ZNF366: variants seen among roughly 807,000 people sequenced by gnomAD.
ZNF366 encodes zinc finger protein 366.
A neutral mutation model predicts 47.2 loss-of-function variants in ZNF366; 20 were observed. The observed-to-expected ratio is 0.42, with a 90% CI of 0.30 to 0.62. The LOEUF is 0.62. Ranked by LOEUF, ZNF366 falls within the 20% of genes least tolerant of loss-of-function variation. The pLI is 0.16. For missense variants in ZNF366, 987 were observed against 976.3 expected, an observed-to-expected ratio of 1.01 and a Z score of -0.15; for synonymous variants, 421 against 395.1, an observed-to-expected ratio of 1.07 and a Z score of -0.78.
chr5:72,466,670 T>G lies in ZNF366; in HGVS notation c.-14-5160A>C, dbSNP rs553714358. On this transcript the variant is annotated intron_variant, in intron 1 of 4. Coordinates refer to ENST00000318442, the MANE Select transcript of ZNF366 (RefSeq NM_152625.3). ...TGAGAGAAGAAATGGGTGGTTCTTGTTTTTAAAGTCTCCCATGAAGTTTTA... is the reference window on the plus strand; with the variant it reads ...TGAGAGAAGAAATGGGTGGTTCTTGGTTTTAAAGTCTCCCATGAAGTTTTA... Among the ~76,000 whole-genome samples, 47 of 152,368 alleles carry G rather than the reference T, an allele frequency of 3.1e-4. No individual in the cohort carries two copies. In the South Asian group the frequency reaches 9.1e-3, roughly 30 times the overall value.
At position 72,451,862 on chromosome 5, in the gene ZNF366, C is replaced by T. The variant is rs79891468; in HGVS notation, c.1525-4445G>A. ...CTTAGTCTGCCCTTTGAACAGCTGA[C>T]GGATGCCTGTGTGCTCCGGGCCTCC... On this transcript the variant is annotated intron_variant, in intron 3 of 4. Transcript: ENST00000318442. 2.0e-3 allele frequency among the ~76,000 whole-genome samples: 299 copies of T among 152,346 alleles called. 6 individuals are homozygous for T. The East Asian group carries it at 0.048, about 24-fold the overall frequency.
chr5:72,453,174 T>C (rs60102496), intron 3 of ZNF366, among the ~76,000 whole-genome samples: 1,830 of 152,282 alleles, frequency 0.012, 44 homozygotes, highest in African/African-American at 0.042. Context: ...GATCAGTTCA[T>C]ATTGAGACAG....
intron 1 of ZNF366, among the ~76,000 whole-genome samples, chr5:72,504,744 T>C (rs530521973): frequency 3.3e-4 from 50 of 152,352 alleles, no homozygotes; most frequent in African/African-American, 1.2e-3. Context: ...TCTTCAGTGT[T>C]AATATATGAC....
At chr5:72,497,619 G>A (rs566900302) in intron 1 of ZNF366, among the ~76,000 whole-genome samples, 1 of 152,232 alleles carries the variant, frequency 6.6e-6, no homozygotes, top group East Asian at 1.9e-4. Flanking sequence ...TTGTAGGTAT[G>A]TCTTTTTACA....
intron 1 of ZNF366, among the ~76,000 whole-genome samples, chr5:72,497,836 G>C (rs1314186695): frequency 6.6e-6 from 1 of 152,168 alleles, no homozygotes; most frequent in South Asian, 2.1e-4. Flanking sequence ...GTTTTAATTT[G>C]CTGCTTCTTA....
chr5:72,485,783 A>C (rs527339861), intron 1 of ZNF366, among the ~76,000 whole-genome samples: 1 of 151,856 alleles, frequency 6.6e-6, no homozygotes, highest in Admixed American at 6.6e-5. Flanking sequence ...TCTCCCTGTT[A>C]CTCCTATGAT....
intron 2 of ZNF366, among the ~76,000 whole-genome samples, chr5:72,458,901 T>C (rs944123760): frequency 1.3e-5 from 2 of 152,376 alleles, no homozygotes; most frequent in African/African-American, 2.4e-5. Flanking sequence ...TTTTCTACCA[T>C]CTTACAGGAT....
At chr5:72,480,618 A>G (rs566209139) in intron 1 of ZNF366, among the ~76,000 whole-genome samples, 1 of 152,312 alleles carries the variant, frequency 6.6e-6, no homozygotes, top group East Asian at 1.9e-4. Context: ...TTTCATCTTC[A>G]TTTATACTGA....
intron 1 of ZNF366, among the ~76,000 whole-genome samples, chr5:72,486,570 T>A (rs925312581): frequency 3.3e-5 from 5 of 152,152 alleles, no homozygotes; most frequent in African/African-American, 1.2e-4. Flanking sequence ...AAAAGTGAGA[T>A]TCTGATCCAA....
rs745560582 is a variant in ZNF366 at position 72,456,495 on chromosome 5, T to C, written c.1433A>G (p.Gln478Arg). Residue 478 changes from glutamine (Q) to arginine (R), a missense_variant, in exon 3 of 5, where the codon CAG becomes CGG. Physicochemically the swap from Gln to Arg is conservative, Grantham distance 43. Transcript: ENST00000318442. ...VLIHTNIRAY[Q>R]CHLCYKSFVQ... The stretch of plus-strand genomic sequence containing the variant: ...GAAGCTCTTGTAGCAGAGGTGACAC[T>C]GGTAGGCGCGGATGTTGGTGTGGAT... 39 of 1,613,934 alleles carry C rather than the reference T, an allele frequency of 2.4e-5. No individual in the cohort carries two copies. The highest frequency in any genetic ancestry group is 3.3e-4 in the Middle Eastern group (2 of 6,082).
At chr5:72,445,891 G>C (rs1254630366) in intron 4 of ZNF366, among the ~76,000 whole-genome samples, 1 of 152,136 alleles carries the variant, frequency 6.6e-6, no homozygotes, top group Non-Finnish European at 1.5e-5. Context: ...CAGGGCTTTT[G>C]CACAAACTCC....
At position 72,461,227 on chromosome 5, in the gene ZNF366, G is replaced by T. The variant is rs148388764; in HGVS notation, c.270C>A (p.His90Gln). ...GGGCGAGGGTGACTTCTTCTGCAGGGTGGTTATAGGGCATCTTTGTGGGCA... is the reference window on the plus strand; with the variant it reads ...GGGCGAGGGTGACTTCTTCTGCAGGTTGGTTATAGGGCATCTTTGTGGGCA... ...KSMPTKMPYN[H>Q]PAEEVTLALH... Residue 90 changes from histidine to glutamine, a missense_variant, in exon 2 of 5, where the codon CAC becomes CAA. Transcript: ENST00000318442. 62 of 1,614,048 alleles carry T rather than the reference G, an allele frequency of 3.8e-5. No individual in the cohort carries two copies. The highest frequency in any genetic ancestry group is 1.6e-4 in the Middle Eastern group (1 of 6,084).
chr5:72,457,518 A>G (rs1279591964), intron 2 of ZNF366, among the ~76,000 whole-genome samples: 6 of 152,202 alleles, frequency 3.9e-5, no homozygotes, highest in Non-Finnish European at 8.8e-5. Flanking sequence ...GATGAAATCC[A>G]TATTGCCTGG....
At chr5:72,502,256 A>G (rs1744224237) in intron 1 of ZNF366, among the ~76,000 whole-genome samples, 2 of 152,262 alleles carry the variant, frequency 1.3e-5, no homozygotes, top group Non-Finnish European at 2.9e-5. Context: ...TGTATTACAC[A>G]TAACGCTGGA....
In ZNF366 at chr5:72,447,545, G is replaced by A. The variant is rs1270067534; in HGVS notation, c.1525-128C>T. On this transcript the variant is annotated intron_variant, in intron 3 of 4. Transcript: ENST00000318442. ...ATTTTAATCTGCTTGCAAGGAAAAT[G>A]TCCATAAGGAAATCAGGAAGGAGCC... 4.5e-6 allele frequency: 5 copies of A among 1,122,840 alleles called. No homozygotes were observed. In the Admixed American group the frequency reaches 1.2e-4, roughly 27 times the overall value. The allele number at this position is 1,122,840 out of a possible 1,614,324, so 69.6% of individuals were successfully genotyped here. A position where few individuals can be genotyped will look rare whatever the true frequency, so the allele number is the denominator to read the frequency against.
chr5:72,479,781 C>T (rs1743755969), intron 1 of ZNF366, among the ~76,000 whole-genome samples: 2 of 152,284 alleles, frequency 1.3e-5, no homozygotes, highest in South Asian at 4.1e-4. Flanking sequence ...AGTGTGTGTG[C>T]ACAAGCATGT....
chr5:72,450,904 C>T (rs57801091), intron 3 of ZNF366, among the ~76,000 whole-genome samples: 1,719 of 152,264 alleles, frequency 0.011, 36 homozygotes, highest in African/African-American at 0.04. Flanking sequence ...CAGTGAATCA[C>T]AGTGCTCTTG....
intron 1 of ZNF366, among the ~76,000 whole-genome samples, chr5:72,480,334 G>A (rs541314584): frequency 5.3e-5 from 8 of 152,286 alleles, no homozygotes; most frequent in African/African-American, 1.9e-4. Context: ...TTTCTTGGAA[G>A]GTTTGGCAAA....
At chr5:72,483,547 A>T (rs1462970763) in intron 1 of ZNF366, among the ~76,000 whole-genome samples, 1 of 152,190 alleles carries the variant, frequency 6.6e-6, no homozygotes, top group Non-Finnish European at 1.5e-5. Flanking sequence ...CCTGTGAGCC[A>T]AGCATCTGCA....
Sources: gnomAD v4.1 joint callset for allele counts (sites outside exome capture counted in the v4.1 genomes callset) on GRCh38, gnomAD v4.1.1 for gene constraint, MANE v1.5 for transcripts, NCBI Gene and HGNC (gene_info 2026-07-23, HGNC 2026-07-21) for gene names.